ADAM20: variants seen among roughly 807,000 people sequenced by gnomAD.
ADAM20 encodes the protein disintegrin and metalloproteinase domain-containing protein 20.
For missense variants in ADAM20, 871 were observed against 883.2 expected (o/e 0.99, Z 0.18); for synonymous variants, 305 against 310.2 (o/e 0.98, Z 0.18).
At chr14:70,560,078 C>G in the ADAM20 span, among the ~76,000 whole-genome samples, 1 of 152,084 alleles carries the variant, frequency 6.6e-6, no homozygotes, top group African/African-American at 2.4e-5. Flanking sequence ...CAACTCAATA[C>G]TCATCCAATA....
At chr14:70,527,044 T>C (rs1566657081) in intron 1 of ADAM20, among the ~76,000 whole-genome samples, 1 of 152,198 alleles carries the variant, frequency 6.6e-6, no homozygotes, top group Admixed American at 6.5e-5. Context: ...ATTTTCTGTG[T>C]CTGTGTTTGT....
At chr14:70,548,877 G>A in the ADAM20 span, among the ~76,000 whole-genome samples, 1 of 108,470 alleles carries the variant, frequency 9.2e-6, no homozygotes, top group Non-Finnish European at 1.9e-5. Context: ...TTGAAATGAA[G>A]GAAAAAATGT....
Position 70,522,443 on chromosome 14 carries a change from T to C in ADAM20, c.*134A>G, listed in dbSNP as rs1883470270. 1.1e-6 allele frequency: 1 copy of C among 902,882 alleles called. No individual in the cohort carries two copies. Among genetic ancestry groups the C allele is most frequent in the South Asian group, 1.9e-5 (1 of 53,996 alleles). The allele number at this position is 902,882 out of a possible 1,614,324, so 55.9% of individuals were successfully genotyped here. On this transcript the variant is annotated 3_prime_UTR_variant, in exon 2 of 2. Transcript: ENST00000256389. The stretch of plus-strand genomic sequence containing the variant: ...AGGAATCCTTTGCTGTGATAGCTAA[T>C]GCTTGCAATCCTGACATGAAATGTC...
the ADAM20 span, among the ~76,000 whole-genome samples, chr14:70,553,306 TAATAAA>T: frequency 9.8e-5 from 1 of 10,186 alleles, no homozygotes; most frequent in African/African-American, 5.5e-4. Flanking sequence ...ACTTAGAGTA[TAATAAA>T]AAAAAAAAAA....
At chr14:70,563,485 G>C in the ADAM20 span, among the ~76,000 whole-genome samples, 2 of 152,186 alleles carry the variant, frequency 1.3e-5, no homozygotes, top group Non-Finnish European at 2.9e-5. Flanking sequence ...TTCTACGCAA[G>C]AACAAAGCTG....
At chr14:70,565,771 T>C in the ADAM20 span, among the ~76,000 whole-genome samples, 1 of 152,216 alleles carries the variant, frequency 6.6e-6, no homozygotes, top group South Asian at 2.1e-4. Context: ...TAATGAGTAA[T>C]CTACAGCTGA....
chr14:70,557,980 T>C, the ADAM20 span, among the ~76,000 whole-genome samples: 1 of 152,212 alleles, frequency 6.6e-6, no homozygotes, highest in Non-Finnish European at 1.5e-5. Flanking sequence ...AAAGGACTCA[T>C]TTCTCTCCAT....
At chr14:70,525,105 T>A (rs1180719298) in intron 1 of ADAM20, among the ~76,000 whole-genome samples, 172 bp from the exon 2 acceptor site, 1 of 152,166 alleles carries the variant, frequency 6.6e-6, no homozygotes, top group African/African-American at 2.4e-5. Context: ...CATAGGTGAG[T>A]TATTACCAAA....
At chr14:70,534,686 G>C (rs1160225919) in intron 1 of ADAM20, 111 bp downstream of exon 1, 1 of 152,102 alleles carries the variant, frequency 6.6e-6, no homozygotes, top group African/African-American at 2.4e-5. Context: ...AGGAGTTCCT[G>C]TTCAATGGAT....
At position 70,524,349 on chromosome 14, in the gene ADAM20, G is replaced by A. The variant is rs2139530082; in HGVS notation, c.409C>T (p.Gln137Ter). 1 of 1,613,948 alleles carries A rather than the reference G, an allele frequency of 6.2e-7. No individual in the cohort carries two copies. Among genetic ancestry groups the A allele is most frequent in the East Asian group, 2.2e-5 (1 of 44,876 alleles). Residue 137 changes from glutamine to a stop codon, truncating the protein, a stop_gained, in exon 2 of 2, where the codon CAG (glutamine) becomes TAG (stop). Coordinates refer to ENST00000256389, the MANE Select transcript of ADAM20 (RefSeq NM_003814.5). LOFTEE classifies it low-confidence loss of function (END_TRUNC). ...TCSGGFLGMLQINDLVYEIKP... is the reference protein window; with the variant it reads ...TCSGGFLGML ...ATTTCATAAACAAGGTCATTTATCTGTAGCATTCCAAGAAAGCCCCCAGAA... is the reference window on the plus strand; with the variant it reads ...ATTTCATAAACAAGGTCATTTATCTATAGCATTCCAAGAAAGCCCCCAGAA...
chr14:70,565,045 C>G, the ADAM20 span, among the ~76,000 whole-genome samples: 4 of 149,952 alleles, frequency 2.7e-5, no homozygotes, highest in African/African-American at 7.3e-5. Flanking sequence ...ACAGCAAGAC[C>G]TCATCTTAAA....
At chr14:70,536,465 CAAAAAAAAAAAAA>C (rs56738784), upstream of ADAM20, among the ~76,000 whole-genome samples, 321 of 43,134 alleles carry the variant, frequency 7.4e-3, no homozygotes, top group Middle Eastern at 0.019. Flanking sequence ...AACTCTGTCT[CAAAAAAAAAAAAA>C]AAAAAAAAAA....
chr14:70,563,116 C>T, the ADAM20 span, among the ~76,000 whole-genome samples: 34 of 152,160 alleles, frequency 2.2e-4, no homozygotes, highest in African/African-American at 8.2e-4. Context: ...GAAATGAACA[C>T]ATTGTCACTG....
chr14:70,539,106 C>G (rs545464693), upstream of ADAM20, among the ~76,000 whole-genome samples: 21 of 149,960 alleles, frequency 1.4e-4, no homozygotes, highest in African/African-American at 4.9e-4. Context: ...GTGCTTCCCC[C>G]CACAGAGAGC....
At chr14:70,564,427 T>G in the ADAM20 span, among the ~76,000 whole-genome samples, 1 of 151,048 alleles carries the variant, frequency 6.6e-6, no homozygotes, top group Non-Finnish European at 1.5e-5. Context: ...TCTCTATAGT[T>G]TATACTGTTC....
chr14:70,560,324 A>G, the ADAM20 span, among the ~76,000 whole-genome samples: 2 of 152,200 alleles, frequency 1.3e-5, no homozygotes, highest in Non-Finnish European at 2.9e-5. Flanking sequence ...TCAATCAAAA[A>G]AGATTTTATA....
chr14:70,541,482 A>T, the ADAM20 span, among the ~76,000 whole-genome samples: 1 of 152,346 alleles, frequency 6.6e-6, no homozygotes, highest in East Asian at 1.9e-4. Flanking sequence ...GGGTTTTTTT[A>T]AAACACTAAC....
At chr14:70,564,347 G>A in the ADAM20 span, among the ~76,000 whole-genome samples, 1 of 152,190 alleles carries the variant, frequency 6.6e-6, no homozygotes, top group South Asian at 2.1e-4. Flanking sequence ...ATTAAAAACA[G>A]TAGAATCTAG....
the ADAM20 span, chr14:70,557,313 C>A: frequency 2.0e-5 from 3 of 152,226 alleles, no homozygotes; most frequent in African/African-American, 7.2e-5. Context: ...TATATGACTG[C>A]AAATTGGAGA....
Sources: gnomAD v4.1 joint callset for allele counts (sites outside exome capture counted in the v4.1 genomes callset) on GRCh38, gnomAD v4.1.1 for gene constraint, MANE v1.5 for transcripts, NCBI Gene and HGNC (gene_info 2026-07-23, HGNC 2026-07-21) for gene names.